Variants in PDE11A observed in about 807,000 individuals in gnomAD.
The protein encoded by PDE11A is phosphodiesterase 11A.
PDE11A carries 100 observed loss-of-function variants against 100.5 expected under a neutral mutation model. The observed-to-expected ratio is 1.00, with a 90% confidence interval of 0.85 to 1.18. The LOEUF (loss-of-function observed/expected upper bound fraction) is 1.18, where lower values mean the gene tolerates loss of function less well. Among genes scored for constraint, PDE11A ranks in the 50% most tolerant of loss-of-function variants. PDE11A has a pLI of 0.00. For missense variants in PDE11A, 1,141 were observed against 1,152.6 expected, an observed-to-expected ratio of 0.99 and a Z score of 0.15; for synonymous variants, 381 against 420.8, an observed-to-expected ratio of 0.91 and a Z score of 1.16.
chr2:177,878,126 A>G (rs1290610386), intron 4 of PDE11A, among the ~76,000 whole-genome samples: 1 of 152,206 alleles, frequency 6.6e-6, no homozygotes, highest in African/African-American at 2.4e-5. Context: ...TAGGGCAATG[A>G]CAATAGCTCA....
chr2:177,892,464 T>C (rs2084545056), intron 4 of PDE11A, among the ~76,000 whole-genome samples: 2 of 152,246 alleles, frequency 1.3e-5, no homozygotes, highest in African/African-American at 4.8e-5. Flanking sequence ...GATACAGCTA[T>C]ACAAAAAAGT....
chr2:177,829,577 G>A (rs2083278642), intron 6 of PDE11A, among the ~76,000 whole-genome samples: 2 of 151,292 alleles, frequency 1.3e-5, no homozygotes, highest in South Asian at 4.2e-4. Flanking sequence ...CTGAGTAGTT[G>A]GGACTACAGG....
chr2:177,705,151 C>T lies in PDE11A; in HGVS notation c.2154-3940G>A, dbSNP rs187456592. 7.7e-4 allele frequency among the ~76,000 whole-genome samples: 117 copies of T among 152,038 alleles called. 2 individuals carry two copies. Among genetic ancestry groups the T allele is most frequent in the Non-Finnish European group, 6.5e-4 (44 of 67,982 alleles). On this transcript the variant is annotated intron_variant, in intron 13 of 19. Coordinates refer to ENST00000286063, the MANE Select transcript of PDE11A (RefSeq NM_016953.4). ...CACTGTGCCTGGCTGATTGTAAAAC[C>T]ATTTTTAAAGAGGTCATGTCTCTCA...
chr2:177,857,651 C>G (rs2083864498), intron 5 of PDE11A, among the ~76,000 whole-genome samples: 2 of 151,750 alleles, frequency 1.3e-5, no homozygotes, highest in African/African-American at 4.8e-5. Flanking sequence ...ATATAGAAAA[C>G]AAATACAGAA....
chr2:177,697,506 A>G, intron 14 of PDE11A, 74 bp from the exon 15 acceptor site: 1 of 778,654 alleles, frequency 1.3e-6, no homozygotes. Context: ...TCCTCTATTT[A>G]AAAAAAAGTC....
intron 10 of PDE11A, among the ~76,000 whole-genome samples, chr2:177,767,535 A>C (rs933060136): frequency 6.6e-6 from 1 of 152,196 alleles, no homozygotes; most frequent in Non-Finnish European, 1.5e-5. Context: ...TTTTAGCAGG[A>C]ACTGGATATT....
chr2:177,649,542 A>C (rs5025339), intron 19 of PDE11A, among the ~76,000 whole-genome samples: 14,900 of 152,248 alleles, frequency 0.098, 908 homozygotes, highest in East Asian at 0.19. Context: ...CACTATGCTC[A>C]TATATGTTCA....
intron 2 of PDE11A, among the ~76,000 whole-genome samples, chr2:177,928,644 C>T (rs2085163569): frequency 6.6e-6 from 1 of 152,214 alleles, no homozygotes; most frequent in African/African-American, 2.4e-5. Context: ...GGCACAATGG[C>T]TCATGCCTAT....
intron 10 of PDE11A, among the ~76,000 whole-genome samples, chr2:177,736,815 G>A (rs1162368587): frequency 6.6e-6 from 1 of 152,176 alleles, no homozygotes; most frequent in Non-Finnish European, 1.5e-5. Context: ...TCCTCCCATG[G>A]AAGAGCGGTA....
intron 18 of PDE11A, among the ~76,000 whole-genome samples, chr2:177,667,890 T>C (rs1365103584): frequency 6.6e-6 from 1 of 152,152 alleles, no homozygotes; most frequent in Non-Finnish European, 1.5e-5. Context: ...CCATGACTCC[T>C]GGGACCATGA....
intron 2 of PDE11A, among the ~76,000 whole-genome samples, chr2:177,935,865 G>A (rs1022263309): frequency 6.6e-6 from 1 of 152,206 alleles, no homozygotes; most frequent in Admixed American, 6.5e-5. Context: ...TCCAAGAGAT[G>A]TCAGAAAGAC....
chr2:178,100,626 TAACA>T (rs2087550105), intron 2 of PDE11A, among the ~76,000 whole-genome samples: 1 of 152,162 alleles, frequency 6.6e-6, no homozygotes, highest in African/African-American at 2.4e-5. Flanking sequence ...TCAGCAGAAC[TAACA>T]AACAATAATA....
At chr2:178,101,377 C>T (rs1020693378) in intron 2 of PDE11A, among the ~76,000 whole-genome samples, 4 of 152,190 alleles carry the variant, frequency 2.6e-5, no homozygotes, top group African/African-American at 9.6e-5. Context: ...CAGGTCTCAT[C>T]ACTCTCCCAA....
intron 9 of PDE11A, among the ~76,000 whole-genome samples, chr2:177,803,051 A>G (rs1208144241): frequency 6.6e-6 from 1 of 151,898 alleles, no homozygotes; most frequent in African/African-American, 2.4e-5. Flanking sequence ...CTTGAGAAAT[A>G]TTGATTAAAG....
At chr2:177,785,749 C>T (rs764282721) in intron 9 of PDE11A, among the ~76,000 whole-genome samples, 7 of 152,188 alleles carry the variant, frequency 4.6e-5, no homozygotes, top group Admixed American at 6.5e-5. Context: ...ACACATGGCT[C>T]GGAGGGTCCT....
rs925304698 is a variant in PDE11A, at chr2:177,629,059, C to T, written c.*348G>A. The T allele has an allele frequency of 1.1e-5, 4 of 348,642 alleles. No homozygotes were observed. Among genetic ancestry groups the T allele is most frequent in the African/African-American group, 6.2e-5 (3 of 48,016 alleles). 21.6% of individuals were successfully genotyped at this position (348,642 alleles called of 1,614,324 possible). ...ATACAAAACGAAGCAGCGCTAATGA[C>T]GCTTTTACTGTTCAGTGTTCCCTCA... On this transcript the variant is annotated 3_prime_UTR_variant, in exon 20 of 20. Transcript: ENST00000286063.
At chr2:177,808,603 G>T (rs1446258563) in intron 9 of PDE11A, among the ~76,000 whole-genome samples, 2 of 152,136 alleles carry the variant, frequency 1.3e-5, no homozygotes, top group Non-Finnish European at 2.9e-5. Flanking sequence ...CTTAGCTAGG[G>T]TTTCTTAAAG....
chr2:178,073,002 T>C, upstream of PDE11A: 1 of 985,190 alleles, frequency 1.0e-6, no homozygotes, highest in Non-Finnish European at 1.2e-6. Flanking sequence ...GAAACGCACC[T>C]TGTTCCTTCC....
At chr2:177,929,973 A>G (rs1380000670) in intron 2 of PDE11A, among the ~76,000 whole-genome samples, 1 of 152,236 alleles carries the variant, frequency 6.6e-6, no homozygotes, top group East Asian at 1.9e-4. Flanking sequence ...CTGCCAAGTA[A>G]CGGCAATGAA....
Sources: gnomAD v4.1 joint callset for allele counts (sites outside exome capture counted in the v4.1 genomes callset) on GRCh38, gnomAD v4.1.1 for gene constraint, MANE v1.5 for transcripts, NCBI Gene and HGNC (gene_info 2026-07-23, HGNC 2026-07-21) for gene names.